Variants in COL5A2 observed in about 807,000 individuals in gnomAD.
COL5A2 encodes collagen alpha-2(V) chain.
COL5A2 carries 23 observed loss-of-function variants against 208.2 expected under a neutral mutation model. The ratio of observed to expected loss-of-function variants is 0.11; its 90% CI spans 0.08 to 0.16. COL5A2 has a LOEUF of 0.16. Among genes scored for constraint, COL5A2 ranks in the 10% least tolerant of loss-of-function variants. COL5A2 has a pLI of 1.00. For missense variants in COL5A2, 1,590 were observed against 1,956.4 expected, an observed-to-expected ratio of 0.81 and a Z score of 3.53; for synonymous variants, 625 against 628.5, an observed-to-expected ratio of 0.99 and a Z score of 0.08.
rs1464584520 is a variant in COL5A2, at chr2:189,043,268, G to A, written c.3364-10C>T. The A allele has an allele frequency of 6.3e-7, 1 of 1,582,456 alleles. No individual in the cohort carries two copies. The stretch of plus-strand genomic sequence containing the variant: ...GAGGTCCTTGGGGTCCCTAGAAATA[G>A]AGATATGGCATGAAAATTACTTGCT... On this transcript the variant is annotated splice_polypyrimidine_tract_variant and intron_variant, in intron 47 of 53. Transcript: ENST00000374866.
chr2:189,294,017 A>G, the COL5A2 span, among the ~76,000 whole-genome samples: 3,996 of 150,748 alleles, frequency 0.027, 82 homozygotes, highest in Non-Finnish European at 0.04. Flanking sequence ...GAACCTGGGA[A>G]GCGGAGCTTG....
chr2:189,124,340 GA>G (rs1451009109), intron 1 of COL5A2, among the ~76,000 whole-genome samples: 1 of 152,100 alleles, frequency 6.6e-6, no homozygotes, highest in Non-Finnish European at 1.5e-5. Context: ...ATTGATGGGG[GA>G]AAGACTATCT....
chr2:189,304,978 C>T, the COL5A2 span, among the ~76,000 whole-genome samples: 1 of 152,026 alleles, frequency 6.6e-6, no homozygotes, highest in South Asian at 2.1e-4. Context: ...TGAGAAATGA[C>T]TGCTTATGAG....
chr2:189,350,855 C>T, the COL5A2 span, among the ~76,000 whole-genome samples: 1 of 152,186 alleles, frequency 6.6e-6, no homozygotes, highest in African/African-American at 2.4e-5. Flanking sequence ...GCCATGTCTG[C>T]AACCAAATTT....
chr2:189,294,069 C>T, the COL5A2 span, among the ~76,000 whole-genome samples: 2 of 138,538 alleles, frequency 1.4e-5, no homozygotes, highest in Non-Finnish European at 3.0e-5. Flanking sequence ...GCCTGGGCGA[C>T]AGAGCGAGAC....
At chr2:189,202,338 A>T (rs1515866) in intron 1 of COL5A2, among the ~76,000 whole-genome samples, 113,836 of 151,976 alleles carry the variant, frequency 0.75, 44,796 homozygotes, top group Non-Finnish European at 0.87. Context: ...AATAAACAGA[A>T]TTATGCAGTT....
the COL5A2 span, among the ~76,000 whole-genome samples, chr2:189,286,204 A>T: frequency 3.3e-5 from 5 of 152,104 alleles, no homozygotes; most frequent in Admixed American, 6.6e-5. Context: ...TTTTAGTTGC[A>T]TCCTAACTGT....
the COL5A2 span, among the ~76,000 whole-genome samples, chr2:189,356,987 C>A: frequency 1.3e-5 from 2 of 152,158 alleles, no homozygotes; most frequent in Non-Finnish European, 2.9e-5. Context: ...TTCTTACATG[C>A]CCCTCTGCTG....
At chr2:189,214,173 A>G (rs566219360) in intron 1 of COL5A2, among the ~76,000 whole-genome samples, 2 of 152,150 alleles carry the variant, frequency 1.3e-5, no homozygotes, top group East Asian at 3.8e-4. Context: ...ATATTCATCT[A>G]TTCAGCAATT....
chr2:189,269,419 T>G, the COL5A2 span, among the ~76,000 whole-genome samples: 1 of 152,106 alleles, frequency 6.6e-6, no homozygotes, highest in Non-Finnish European at 1.5e-5. Context: ...TCCAACAATC[T>G]CTAGTTTATT....
chr2:189,194,326 G>A (rs1486308993), intron 1 of COL5A2, among the ~76,000 whole-genome samples: 4 of 152,238 alleles, frequency 2.6e-5, no homozygotes, highest in African/African-American at 9.6e-5. Flanking sequence ...AAGGGCTAAT[G>A]CAGAAAATAT....
intron 1 of COL5A2, among the ~76,000 whole-genome samples, chr2:189,199,562 G>T (rs987161527): frequency 2.6e-5 from 4 of 152,156 alleles, no homozygotes; most frequent in African/African-American, 7.2e-5. Flanking sequence ...GGGACATAGA[G>T]GGGTGGTGGT....
At chr2:189,431,820 ACATT>A in the COL5A2 span, among the ~76,000 whole-genome samples, 1 of 152,212 alleles carries the variant, frequency 6.6e-6, no homozygotes. Context: ...AGGCAGGCCA[ACATT>A]CAAATTCAGG....
chr2:189,388,593 T>G, the COL5A2 span, among the ~76,000 whole-genome samples: 3 of 152,138 alleles, frequency 2.0e-5, no homozygotes, highest in Non-Finnish European at 4.4e-5. Flanking sequence ...AAAGCAGAAG[T>G]GTGACATTGT....
At chr2:189,123,144 A>T (rs1687541335) in intron 1 of COL5A2, among the ~76,000 whole-genome samples, 1 of 151,952 alleles carries the variant, frequency 6.6e-6, no homozygotes. Flanking sequence ...TTGTATTTTT[A>T]GTAGAGACAA....
intron 35 of COL5A2, among the ~76,000 whole-genome samples, chr2:189,055,792 T>C (rs1576497323): frequency 6.6e-6 from 1 of 152,208 alleles, no homozygotes; most frequent in East Asian, 1.9e-4. Context: ...TCCTATCACA[T>C]TGCAATTTCA....
chr2:189,343,110 T>C, the COL5A2 span, among the ~76,000 whole-genome samples: 1 of 152,078 alleles, frequency 6.6e-6, no homozygotes, highest in Non-Finnish European at 1.5e-5. Context: ...AAACTACATA[T>C]GACTTACACA....
the COL5A2 span, among the ~76,000 whole-genome samples, chr2:189,287,975 C>T: frequency 6.6e-6 from 1 of 151,988 alleles, no homozygotes; most frequent in Non-Finnish European, 1.5e-5. Context: ...CAAGGACTTC[C>T]AGAGTTGTGT....
the COL5A2 span, among the ~76,000 whole-genome samples, chr2:189,277,336 A>ATGAGCTTCC: frequency 6.6e-6 from 1 of 152,172 alleles, no homozygotes; most frequent in Non-Finnish European, 1.5e-5. Context: ...GATTCATGGA[A>ATGAGCTTCC]GCTCATCAGA....
Sources: gnomAD v4.1 joint callset for allele counts (sites outside exome capture counted in the v4.1 genomes callset) on GRCh38, gnomAD v4.1.1 for gene constraint, MANE v1.5 for transcripts, NCBI Gene and HGNC (gene_info 2026-07-23, HGNC 2026-07-21) for gene names.